Variants in RNLS observed in about 807,000 individuals in gnomAD.
RNLS encodes renalase.
Under a neutral mutation model 39.8 loss-of-function variants are expected in RNLS, and 39 were observed. The ratio of observed to expected loss-of-function variants is 0.98; its 90% CI spans 0.76 to 1.28. RNLS has a LOEUF of 1.28. Among genes scored for constraint, RNLS ranks in the 50% most tolerant of loss-of-function variants. The probability of loss-of-function intolerance (pLI) is 0.00; values close to 1 mark genes in which losing one functional copy is unlikely to be tolerated. For synonymous variants in RNLS, 147 were observed against 150.7 expected, an observed-to-expected ratio of 0.98 and a Z score of 0.18; for missense variants, 410 against 413.3, an observed-to-expected ratio of 0.99 and a Z score of 0.07.
chr10:88,581,351 C>G (rs745363592), intron 3 of RNLS, among the ~76,000 whole-genome samples: 1 of 146,364 alleles, frequency 6.8e-6, no homozygotes, highest in Non-Finnish European at 1.5e-5. Context: ...TAAATAGAGA[C>G]AGCCATGTAG....
chr10:88,286,623 T>G (rs1206070378), intron 6 of RNLS, among the ~76,000 whole-genome samples: 1 of 152,030 alleles, frequency 6.6e-6, no homozygotes, highest in Non-Finnish European at 1.5e-5. Context: ...AATATGACAG[T>G]TCTAGTCTCT....
intron 4 of RNLS, 69 bp downstream of exon 4, chr10:88,572,834 A>C: frequency 6.5e-7 from 1 of 1,543,356 alleles, no homozygotes; most frequent in Non-Finnish European, 8.8e-7. Flanking sequence ...AAGAGAGTTA[A>C]ACCAAATTCA....
chr10:88,355,419 T>G (rs1257696341), intron 5 of RNLS, among the ~76,000 whole-genome samples: 1 of 152,208 alleles, frequency 6.6e-6, no homozygotes, highest in Non-Finnish European at 1.5e-5. Context: ...TGTTTGTTAG[T>G]TTTCCTTCTA....
chr10:88,517,309 A>G (rs1846459039), intron 4 of RNLS, among the ~76,000 whole-genome samples: 1 of 151,958 alleles, frequency 6.6e-6, no homozygotes, highest in Non-Finnish European at 1.5e-5. Context: ...TTTTTACCAC[A>G]TACTTATTTG....
chr10:88,470,476 T>G (rs1218975703), intron 4 of RNLS, among the ~76,000 whole-genome samples: 1 of 152,180 alleles, frequency 6.6e-6, no homozygotes, highest in African/African-American at 2.4e-5. Context: ...TTAGTGTATT[T>G]GGGAGAAAAG....
At chr10:88,397,801 A>T (rs1006935854) in intron 4 of RNLS, among the ~76,000 whole-genome samples, 1 of 152,002 alleles carries the variant, frequency 6.6e-6, no homozygotes, top group Non-Finnish European at 1.5e-5. Context: ...AGAAAAAAAA[A>T]AGTGAAGGAC....
At chr10:88,413,183 T>A (rs1853801095) in intron 4 of RNLS, among the ~76,000 whole-genome samples, 1 of 152,178 alleles carries the variant, frequency 6.6e-6, no homozygotes, top group Non-Finnish European at 1.5e-5. Context: ...CCCATATCCT[T>A]CTGCTCTAGT....
chr10:88,291,143 A>C (rs1451251194), intron 6 of RNLS, among the ~76,000 whole-genome samples: 4 of 152,170 alleles, frequency 2.6e-5, no homozygotes, highest in African/African-American at 9.7e-5. Flanking sequence ...GTGAGGGGAG[A>C]GGGACAGTAA....
chr10:88,506,490 C>T (rs1403236921), intron 4 of RNLS, among the ~76,000 whole-genome samples: 1 of 151,728 alleles, frequency 6.6e-6, no homozygotes, highest in Non-Finnish European at 1.5e-5. Flanking sequence ...TTAATATCTA[C>T]AACTTAGCAA....
intron 6 of RNLS, among the ~76,000 whole-genome samples, chr10:88,296,109 A>T (rs1357191728): frequency 6.6e-6 from 1 of 152,172 alleles, no homozygotes; most frequent in Non-Finnish European, 1.5e-5. Flanking sequence ...GTTGCTGAGC[A>T]CTATGAAAAG....
intron 4 of RNLS, among the ~76,000 whole-genome samples, chr10:88,544,047 C>G (rs145504683): frequency 6.6e-6 from 1 of 152,178 alleles, no homozygotes; most frequent in Non-Finnish European, 1.5e-5. Context: ...CTTATAAGCT[C>G]TGTGACTTTG....
chr10:88,268,050 G>C, the RNLS span, among the ~76,000 whole-genome samples: 1 of 152,138 alleles, frequency 6.6e-6, no homozygotes, highest in Non-Finnish European at 1.5e-5. Context: ...GACAACACTT[G>C]GTTTTATTTT....
chr10:88,313,613 C>T (rs370227231), intron 6 of RNLS, among the ~76,000 whole-genome samples: 4 of 152,174 alleles, frequency 2.6e-5, no homozygotes, highest in South Asian at 2.1e-4. Context: ...TTAAAATATA[C>T]AAAATCAACT....
intron 4 of RNLS, among the ~76,000 whole-genome samples, chr10:88,568,414 C>G (rs1338298945): frequency 1.3e-5 from 2 of 151,926 alleles, no homozygotes; most frequent in Non-Finnish European, 2.9e-5. Flanking sequence ...ATAATGGTTG[C>G]CTATATCAGT....
At chr10:88,341,872 C>A (rs1022894485) in intron 5 of RNLS, among the ~76,000 whole-genome samples, 3 of 151,994 alleles carry the variant, frequency 2.0e-5, no homozygotes, top group Non-Finnish European at 4.4e-5. Context: ...TTCATATAAC[C>A]AATTTTCCTT....
At chr10:88,576,423 C>A (rs1260287690) in intron 3 of RNLS, among the ~76,000 whole-genome samples, 3 of 152,162 alleles carry the variant, frequency 2.0e-5, no homozygotes, top group Non-Finnish European at 4.4e-5. Context: ...TATCCCTGGC[C>A]TTCCTCCATT....
At chr10:88,175,316 G>A in the RNLS span, among the ~76,000 whole-genome samples, 5 of 151,612 alleles carry the variant, frequency 3.3e-5, no homozygotes, top group East Asian at 1.9e-4. Context: ...CTTGCTTTTC[G>A]AGATCCTTAG....
At chr10:88,357,052 T>C (rs985924025) in intron 5 of RNLS, among the ~76,000 whole-genome samples, 9 of 152,234 alleles carry the variant, frequency 5.9e-5, no homozygotes, top group African/African-American at 2.2e-4. Flanking sequence ...AGTTAGACTT[T>C]TATATTTATG....
At chr10:88,431,290 T>C (rs893579019) in intron 4 of RNLS, among the ~76,000 whole-genome samples, 7 of 151,708 alleles carry the variant, frequency 4.6e-5, no homozygotes, top group African/African-American at 1.7e-4. Context: ...ATTGTGTAGA[T>C]ATACCAGTAT....
Sources: allele counts gnomAD v4.1 joint callset (sites outside exome capture counted in the v4.1 genomes callset), GRCh38; gene constraint gnomAD v4.1.1; transcripts MANE v1.5; gene names NCBI Gene and HGNC (gene_info 2026-07-23, HGNC 2026-07-21).